BRD2: variants seen among roughly 807,000 people sequenced by gnomAD.
BRD2 encodes bromodomain containing 2, also known as bromodomain-containing protein 2.
In BRD2, 15 loss-of-function variants were observed where a neutral mutation model predicts 79.1. The ratio of observed to expected loss-of-function variants is 0.19; its 90% CI spans 0.13 to 0.29. The LOEUF is 0.29. Among genes scored for constraint, BRD2 ranks in the 10% least tolerant of loss-of-function variants. The pLI is 1.00. For synonymous variants in BRD2, 488 were observed against 358.6 expected (o/e 1.36, Z -4.08); for missense variants, 1,053 against 991.3 (o/e 1.06, Z -0.84).
chr6:32,973,604 A>T (rs1778326230), intron 2 of BRD2, among the ~76,000 whole-genome samples: 1 of 152,162 alleles, frequency 6.6e-6, no homozygotes, highest in Admixed American at 6.5e-5. Flanking sequence ...GTGGTAGGAA[A>T]GACTGATCGG....
In BRD2 at chr6:32,977,729, A is replaced by G. The variant is rs370932072; in HGVS notation, c.1330-28A>G. 20 of 1,612,276 alleles carry G rather than the reference A, an allele frequency of 1.2e-5. No homozygotes were observed. In the African/African-American group the frequency reaches 2.4e-4, roughly 19 times the overall value. ...GGTATGTAGGGCACTGTTTATCAGC[A>G]TAGTTTTGAGTTTGTGCCTCTTTGT... is the stretch of plus-strand genomic sequence containing the variant. On this transcript the variant is annotated intron_variant, in intron 8 of 12. Coordinates refer to ENST00000374825, the MANE Select transcript of BRD2 (RefSeq NM_005104.4).
chr6:32,975,609 T>A (rs1051715661), intron 4 of BRD2, 88 bp downstream of exon 4: 2 of 1,522,012 alleles, frequency 1.3e-6, no homozygotes, highest in Non-Finnish European at 1.8e-6. Context: ...AAAGTTTAAA[T>A]CCTTTGCTAC....
In BRD2 at chr6:32,975,497, C is replaced by G; in HGVS notation, c.447C>G (p.Phe149Leu). Residue 149 changes from phenylalanine (F) to leucine (L), a missense_variant, in exon 4 of 13, where the codon TTC becomes TTG. Transcript: ENST00000374825. Reference sequence around the variant, plus strand: ...GTATGCAAGATTTTAATACCATGTTCACCAACTGTTACATTTACAACAAGG... The same window carrying G: ...GTATGCAAGATTTTAATACCATGTTGACCAACTGTTACATTTACAACAAGG... ...SECMQDFNTM[F>L]TNCYIYNKPT... The G allele has an allele frequency of 6.2e-7, 1 of 1,612,436 alleles. No individual in the cohort carries two copies. The highest frequency in any genetic ancestry group is 8.5e-7 in the Non-Finnish European group (1 of 1,179,758).
At chr6:32,969,361 G>A (rs1777745437) in intron 1 of BRD2, 1 of 716,896 alleles carries the variant, frequency 1.4e-6, no homozygotes. Context: ...AGGTGAGAAG[G>A]GATCCATCGG....
chr6:32,976,731 C>G lies in BRD2; in HGVS notation c.995C>G (p.Pro332Arg). 6.2e-7 allele frequency: 1 copy of G among 1,613,300 alleles called. No individual in the cohort carries two copies. The highest frequency in any genetic ancestry group is 8.5e-7 in the Non-Finnish European group (1 of 1,180,034). ...ATCAAGCCCCCACGCAAAGACTTGC[C>G]TGACTCTCAGCAACAACACCAGAGC... is the stretch of plus-strand genomic sequence containing the variant. ...RPIKPPRKDL[P>R]DSQQQHQSSK... The change falls in exon 7 of 13, where the codon CCT becomes CGT. Residue 332 changes from proline (P) to arginine (R), a missense_variant. Transcript: ENST00000374825.
chr6:32,976,789 A>G lies in BRD2; in HGVS notation c.1053A>G (p.Lys351=). 1 of 1,613,196 alleles carries G rather than the reference A, an allele frequency of 6.2e-7. No individual in the cohort carries two copies. Among genetic ancestry groups the G allele is most frequent in the Non-Finnish European group, 8.5e-7 (1 of 1,180,018 alleles). ...SKKGKLSEQL[K]HCNGILKELL... Reference sequence around the variant, plus strand: ...AAGGAAAGCTTTCAGAACAGTTAAAACATTGCAATGGCATTTTGAAGGAGT... The same window carrying G: ...AAGGAAAGCTTTCAGAACAGTTAAAGCATTGCAATGGCATTTTGAAGGAGT... Residue 351 remains lysine, a synonymous_variant, in exon 7 of 13, where the codon AAA becomes AAG. Transcript: ENST00000374825.
At position 32,980,567 on chromosome 6, in the gene BRD2, G is replaced by A. The variant is rs748460899; in HGVS notation, c.2270-15G>A. On this transcript the variant is annotated splice_polypyrimidine_tract_variant and intron_variant, in intron 12 of 12. Transcript: ENST00000374825. ...TCAGACTTGAACGTCTTTAACTTTC[G>A]AATTTGTTCTGCAGCGAATGAGAAA... 1.5e-5 allele frequency: 24 copies of A among 1,612,848 alleles called. No individual in the cohort carries two copies. The highest frequency in any genetic ancestry group is 1.8e-5 in the Non-Finnish European group (21 of 1,179,976).
Position 32,976,600 on chromosome 6 carries a change from T to A in BRD2, c.864T>A (p.Pro288=), listed in dbSNP as rs375353506. 16 of 1,608,826 alleles carry A rather than the reference T, an allele frequency of 9.9e-6. No individual in the cohort carries two copies. The highest frequency in any genetic ancestry group is 5.9e-6 in the Non-Finnish European group (7 of 1,179,126). The part of the protein sequence containing the change: ...GVKRKADTTT[P]TPTAILAPGS... ...AGCGGAAAGCAGATACTACCACCCC[T>A]ACACCTACAGCCATCTTGGCTCCTG... Residue 288 remains proline, a synonymous_variant, in exon 7 of 13, where the codon CCT becomes CCA. Transcript: ENST00000374825.
In BRD2 at chr6:32,980,927, C is replaced by G. The variant is rs1779467649; in HGVS notation, c.*209C>G. 1.6e-6 allele frequency: 1 copy of G among 621,378 alleles called. No individual in the cohort carries two copies. The highest frequency in any genetic ancestry group is 1.9e-5 in the African/African-American group (1 of 54,044). 38.5% of individuals were successfully genotyped at this position (621,378 alleles called of 1,614,324 possible). A position where few individuals can be genotyped will look rare whatever the true frequency, so the allele number is the denominator to read the frequency against. ...ACAAAACAACATTGAATTCCCAGCC[C>G]CATTGGGGAGTGATCTCTTGGACAC... On this transcript the variant is annotated 3_prime_UTR_variant, in exon 13 of 13. Transcript: ENST00000374825.
At chr6:32,979,047 G>GTT (rs9282354) in intron 10 of BRD2, 9,320 of 86,814 alleles carry the variant, frequency 0.11, 554 homozygotes, top group South Asian at 0.22. Context: ...TTTGTGTTTT[G>GTT]TTTTTTTTTG....
intron 2 of BRD2, chr6:32,973,152 A>C: frequency 6.5e-7 from 1 of 1,545,828 alleles, no homozygotes; most frequent in Non-Finnish European, 8.7e-7. Context: ...TACGCTATTA[A>C]TGCCGCCGTG....
rs754287241 is a variant in BRD2 at position 32,978,359 on chromosome 6, CTTTGGACCTTCTGGA to C, written c.1813_1827del (p.Phe605_Gly609del). On this transcript the variant is annotated inframe_deletion, in exon 10 of 13. Transcript: ENST00000374825. ...GCAGTGCTGCTTTAGGCCCTTCTGG[CTTTGGACCTTCTGGA>C]GGAAGTGGCACCAAGTGAGTTAGAG... 1 of 1,612,802 alleles carries C rather than the reference CTTTGGACCTTCTGGA, an allele frequency of 6.2e-7. No individual in the cohort carries two copies. Among genetic ancestry groups the C allele is most frequent in the South Asian group, 1.1e-5 (1 of 91,046 alleles).
At chr6:32,977,010 A>C in intron 7 of BRD2, 74 bp downstream of exon 7, 1 of 1,507,388 alleles carries the variant, frequency 6.6e-7, no homozygotes, top group Non-Finnish European at 8.9e-7. Context: ...AAGTCTCCTT[A>C]TGTGGGCACA....
chr6:32,980,839 C>G lies in BRD2; in HGVS notation c.*121C>G, dbSNP rs577496683. On this transcript the variant is annotated 3_prime_UTR_variant, in exon 13 of 13. Coordinates refer to ENST00000374825, the MANE Select transcript of BRD2 (RefSeq NM_005104.4). ...TCATCTCACCCCCCCCCGCCCCCCT[C>G]TAGGAGAGCTGGCTCTGCAGTGGGG... 7.9e-5 allele frequency: 97 copies of G among 1,228,546 alleles called. No individual in the cohort carries two copies. The East Asian group carries it at 9.0e-4, about 11-fold the overall frequency. 76.1% of individuals were successfully genotyped at this position (1,228,546 alleles called of 1,614,324 possible). A position where few individuals can be genotyped will look rare whatever the true frequency, so the allele number is the denominator to read the frequency against.
rs1778063879 is a variant in BRD2 at position 32,972,081 on chromosome 6, T to TGAGC, written c.-812_-809dup. ...CTTCGACTCAGCTTCTTCACCCGCG[T>TGAGC]GAGCGAGCGCGCGCGCGCGGAGGGG... is the stretch of plus-strand genomic sequence containing the variant. On this transcript the variant is annotated 5_prime_UTR_variant, in exon 2 of 13. It removes the in-frame stop codon of an upstream open reading frame in the 5' UTR. Coordinates refer to ENST00000374825, the MANE Select transcript of BRD2 (RefSeq NM_005104.4). 2 of 695,838 alleles carry TGAGC rather than the reference T, an allele frequency of 2.9e-6. No individual in the cohort carries two copies. The highest frequency in any genetic ancestry group is 5.2e-6 in the Non-Finnish European group (2 of 381,736). 43.1% of individuals were successfully genotyped at this position (695,838 alleles called of 1,614,324 possible). A position where few individuals can be genotyped will look rare whatever the true frequency, so the allele number is the denominator to read the frequency against.
At chr6:32,977,074 A>AGGTCT (rs1351571120) in intron 7 of BRD2, 138 bp downstream of exon 7, 5 of 1,288,400 alleles carry the variant, frequency 3.9e-6, no homozygotes, top group Non-Finnish European at 5.2e-6. Flanking sequence ...GTGGAACAGA[A>AGGTCT]GGTCTGGTGT....
chr6:32,969,859 T>C (rs957772619), intron 1 of BRD2, among the ~76,000 whole-genome samples: 1 of 152,070 alleles, frequency 6.6e-6, no homozygotes, highest in Admixed American at 6.5e-5. Context: ...TTCTCCAGGG[T>C]GGCCTCTTCC....
Position 32,981,033 on chromosome 6 carries a change from C to A in BRD2, c.*315C>A. The A allele has an allele frequency of 2.9e-6, 1 of 341,372 alleles. No individual in the cohort carries two copies. Among genetic ancestry groups the A allele is most frequent in the African/African-American group, 2.0e-5 (1 of 48,804 alleles). 21.1% of individuals were successfully genotyped at this position (341,372 alleles called of 1,614,324 possible). A position where few individuals can be genotyped will look rare whatever the true frequency, so the allele number is the denominator to read the frequency against. On this transcript the variant is annotated 3_prime_UTR_variant, in exon 13 of 13. Transcript: ENST00000374825. ...CTGGAGTTACCTGAGGCCACAGCTGCCCTATTCACTTCTAAGGGCCCTGTT... is the reference window on the plus strand; with the variant it reads ...CTGGAGTTACCTGAGGCCACAGCTGACCTATTCACTTCTAAGGGCCCTGTT...
chr6:32,972,789 G>A lies in BRD2; in HGVS notation c.-110G>A, dbSNP rs1778191340. On this transcript the variant is annotated 5_prime_UTR_variant, in exon 2 of 13. Coordinates refer to ENST00000374825, the MANE Select transcript of BRD2 (RefSeq NM_005104.4). ...GGGTTTGTCGCCTGGAGGCCCAAGA[G>A]GAACGGCCTCCCCCCAACTTAGCGG... 3.3e-6 allele frequency: 5 copies of A among 1,538,306 alleles called. No individual in the cohort carries two copies. The East Asian group carries it at 1.1e-4, about 35-fold the overall frequency.
Sources: allele counts gnomAD v4.1 joint callset (sites outside exome capture counted in the v4.1 genomes callset), GRCh38; gene constraint gnomAD v4.1.1; transcripts MANE v1.5; gene names NCBI Gene and HGNC (gene_info 2026-07-23, HGNC 2026-07-21).